RAB20: variants seen among roughly 807,000 people sequenced by gnomAD.
The protein encoded by RAB20 is RAB20, member RAS oncogene family.
A neutral mutation model predicts 3.7 loss-of-function variants in RAB20; 2 were observed. The observed-to-expected ratio is 0.54, with a 90% confidence interval of 0.22 to 1.69. The LOEUF (loss-of-function observed/expected upper bound fraction) is 1.69, where lower values mean the gene tolerates loss of function less well. RAB20 is among the 40% of genes most tolerant of loss of function. RAB20 has a pLI of 0.19. For synonymous variants in RAB20, 126 were observed against 130.8 expected, an observed-to-expected ratio of 0.96 and a Z score of 0.25; for missense variants, 276 against 311.9, an observed-to-expected ratio of 0.88 and a Z score of 0.87.
chr13:110,561,691 G>A lies in RAB20; in HGVS notation c.-172C>T, dbSNP rs1471497243. 1 of 1,205,552 alleles carries A rather than the reference G, an allele frequency of 8.3e-7. No individual in the cohort carries two copies. Among genetic ancestry groups the A allele is most frequent in the East Asian group, 3.2e-5 (1 of 31,212 alleles). 74.7% of individuals were successfully genotyped at this position (1,205,552 alleles called of 1,614,324 possible). ...CGGGAGCTCAAGAGAGGAAGCGCGT[G>A]TGCGCGCCCGGGAAGGAGCTGGGTG... is the stretch of plus-strand genomic sequence containing the variant. On this transcript the variant is annotated 5_prime_UTR_variant, in exon 1 of 2. Transcript: ENST00000267328.
At chr13:110,557,572 C>T (rs1471971488) in intron 1 of RAB20, among the ~76,000 whole-genome samples, 2 of 152,216 alleles carry the variant, frequency 1.3e-5, no homozygotes, top group African/African-American at 2.4e-5. Flanking sequence ...TTGCGGTGGC[C>T]ACTATTCTGT....
chr13:110,543,453 G>A (rs1252062403), intron 1 of RAB20, among the ~76,000 whole-genome samples: 1 of 152,048 alleles, frequency 6.6e-6, no homozygotes, highest in East Asian at 1.9e-4. Flanking sequence ...TGTTTAATCT[G>A]GTTGTTTTCT....
At chr13:110,527,733 G>A (rs1011079369) in intron 1 of RAB20, among the ~76,000 whole-genome samples, 3 of 152,130 alleles carry the variant, frequency 2.0e-5, no homozygotes, top group East Asian at 1.9e-4. Flanking sequence ...CAGTGTCCCC[G>A]GAATCCACAG....
At position 110,526,664 on chromosome 13, in the gene RAB20, A is replaced by C. The variant is rs563669539; in HGVS notation, c.173-2467T>G. Reference sequence around the variant, plus strand: ...CACCACCCTCTACCTGAAATTTACCATTTCCTTTCACCACAAATATTGGCA... The same window carrying C: ...CACCACCCTCTACCTGAAATTTACCCTTTCCTTTCACCACAAATATTGGCA... On this transcript the variant is annotated intron_variant, in intron 1 of 1. Coordinates refer to ENST00000267328, the MANE Select transcript of RAB20 (RefSeq NM_017817.3). Among the ~76,000 whole-genome samples, 8 of 152,248 alleles carry C rather than the reference A, an allele frequency of 5.3e-5. No individual in the cohort carries two copies. The East Asian group carries it at 1.2e-3, about 22-fold the overall frequency.
At chr13:110,537,261 T>C (rs1463785668) in intron 1 of RAB20, among the ~76,000 whole-genome samples, 1 of 151,940 alleles carries the variant, frequency 6.6e-6, no homozygotes, top group African/African-American at 2.4e-5. Flanking sequence ...CCTCCCACAT[T>C]GGCCTCCCAC....
chr13:110,541,027 C>T (rs1884751416), intron 1 of RAB20, among the ~76,000 whole-genome samples: 1 of 152,180 alleles, frequency 6.6e-6, no homozygotes, highest in Admixed American at 6.5e-5. Flanking sequence ...TGGCTGGGTC[C>T]TGGGTTCTGC....
chr13:110,537,989 A>T (rs1236047088), intron 1 of RAB20, among the ~76,000 whole-genome samples: 2 of 152,146 alleles, frequency 1.3e-5, no homozygotes, highest in African/African-American at 4.8e-5. Flanking sequence ...AAAGAGTTAG[A>T]AAAAAGAATG....
At chr13:110,543,838 C>T (rs1884808508) in intron 1 of RAB20, among the ~76,000 whole-genome samples, 2 of 145,954 alleles carry the variant, frequency 1.4e-5, no homozygotes, top group African/African-American at 2.6e-5. Flanking sequence ...TACAGTGGTG[C>T]GATCTCGGCT....
chr13:110,546,921 G>A (rs1884861888), intron 1 of RAB20, among the ~76,000 whole-genome samples: 1 of 151,790 alleles, frequency 6.6e-6, no homozygotes, highest in African/African-American at 2.4e-5. Flanking sequence ...TCAATTCTTA[G>A]TAGAGACAGG....
intron 1 of RAB20, among the ~76,000 whole-genome samples, chr13:110,530,218 C>A (rs1246167313): frequency 3.5e-4 from 33 of 94,554 alleles, no homozygotes; most frequent in African/African-American, 5.9e-4. Context: ...AGGTCCCACC[C>A]GCCCCACCTC....
chr13:110,561,397 G>C lies in RAB20; in HGVS notation c.123C>G (p.Phe41Leu). The change falls in exon 1 of 2, where the codon TTC becomes TTG. Residue 41 changes from phenylalanine (F) to leucine (L), a missense_variant. Coordinates refer to ENST00000267328, the MANE Select transcript of RAB20 (RefSeq NM_017817.3). Reference protein sequence around the residue: ...PDTVSTVGGAFYLKQWRSYNI... With the variant: ...PDTVSTVGGALYLKQWRSYNI... ...TGTAGGAGCGCCACTGCTTCAGGTA[G>C]AAGGCGCCGCCCACCGTGCTGACCG... The C allele has an allele frequency of 6.2e-7, 1 of 1,609,946 alleles. No homozygotes were observed. The highest frequency in any genetic ancestry group is 8.5e-7 in the Non-Finnish European group (1 of 1,178,232).
At chr13:110,554,855 A>T (rs952140039) in intron 1 of RAB20, among the ~76,000 whole-genome samples, 2 of 152,136 alleles carry the variant, frequency 1.3e-5, no homozygotes, top group Non-Finnish European at 2.9e-5. Flanking sequence ...TTTCCTTGAA[A>T]AATCCTTGCA....
chr13:110,554,742 C>T (rs180990626), intron 1 of RAB20, among the ~76,000 whole-genome samples: 15 of 151,972 alleles, frequency 9.9e-5, no homozygotes, highest in African/African-American at 2.7e-4. Flanking sequence ...CCTGCATGAG[C>T]GAAGCAGCAT....
Position 110,561,338 on chromosome 13 carries a change from C to T in RAB20, c.172+10G>A, listed in dbSNP as rs766762607. On this transcript the variant is annotated intron_variant, in intron 1 of 1. Coordinates refer to ENST00000267328, the MANE Select transcript of RAB20 (RefSeq NM_017817.3). ...CCAGGGCGGTGTGGCTCATGCGGCG[C>T]CGGCCTCACCTGCGGTGTCCCAGAT... The T allele has an allele frequency of 5.7e-6, 9 of 1,588,008 alleles. No homozygotes were observed. The Admixed American group carries it at 1.6e-4, about 28-fold the overall frequency.
At chr13:110,528,357 G>A (rs1232390849) in intron 1 of RAB20, among the ~76,000 whole-genome samples, 6 of 146,418 alleles carry the variant, frequency 4.1e-5, no homozygotes, top group South Asian at 4.4e-4. Flanking sequence ...CGGAGGTTGC[G>A]GTGAGCTGAG....
At chr13:110,541,212 G>A (rs541811492) in intron 1 of RAB20, among the ~76,000 whole-genome samples, 9 of 152,260 alleles carry the variant, frequency 5.9e-5, no homozygotes, top group African/African-American at 2.2e-4. Flanking sequence ...CGGTCACGGC[G>A]CAGCAACAGA....
At chr13:110,561,037 A>G (rs1885119514) in intron 1 of RAB20, among the ~76,000 whole-genome samples, 2 of 152,212 alleles carry the variant, frequency 1.3e-5, no homozygotes, top group African/African-American at 4.8e-5. Context: ...CTAACAAAGC[A>G]GCCACAGAGG....
chr13:110,561,714 G>C lies in RAB20; in HGVS notation c.-195C>G. 2 of 999,394 alleles carry C rather than the reference G, an allele frequency of 2.0e-6. No homozygotes were observed. The highest frequency in any genetic ancestry group is 1.3e-6 in the Non-Finnish European group (1 of 761,292). The allele number at this position is 999,394 out of a possible 1,614,324, so 61.9% of individuals were successfully genotyped here. On this transcript the variant is annotated 5_prime_UTR_variant, in exon 1 of 2. Coordinates refer to ENST00000267328, the MANE Select transcript of RAB20 (RefSeq NM_017817.3). ...GTGTGCGCGCCCGGGAAGGAGCTGG[G>C]TGCAGAGCACGGAGCCCACGTCGGG...
In RAB20 at chr13:110,561,604, A is replaced by G; in HGVS notation, c.-85T>C. 1 of 1,483,360 alleles carries G rather than the reference A, an allele frequency of 6.7e-7. No homozygotes were observed. The highest frequency in any genetic ancestry group is 8.9e-7 in the Non-Finnish European group (1 of 1,119,992). 91.9% of individuals were successfully genotyped at this position (1,483,360 alleles called of 1,614,324 possible). Reference sequence around the variant, plus strand: ...GCCCTGGGCGCAGCTGGAGGAGCGGACCCCGGACTCGCCGGGACCCGGATT... The same window carrying G: ...GCCCTGGGCGCAGCTGGAGGAGCGGGCCCCGGACTCGCCGGGACCCGGATT... On this transcript the variant is annotated 5_prime_UTR_variant, in exon 1 of 2. Transcript: ENST00000267328.
Sources: allele counts gnomAD v4.1 joint callset (sites outside exome capture counted in the v4.1 genomes callset), GRCh38; gene constraint gnomAD v4.1.1; transcripts MANE v1.5; gene names NCBI Gene and HGNC (gene_info 2026-07-23, HGNC 2026-07-21).